Variants in GABRG2 observed in about 807,000 individuals in gnomAD.
GABRG2 encodes the protein gamma-aminobutyric acid receptor subunit gamma-2.
GABRG2 carries 16 observed loss-of-function variants against 56.4 expected under a neutral mutation model. That is an observed-to-expected ratio of 0.28 (90% CI 0.19 to 0.43). The LOEUF is 0.43. Ranked by LOEUF, GABRG2 falls within the 20% of genes least tolerant of loss-of-function variation. The probability of loss-of-function intolerance (pLI) is 1.00; values close to 1 mark genes in which losing one functional copy is unlikely to be tolerated. For synonymous variants in GABRG2, 208 were observed against 205.5 expected (o/e 1.01, Z -0.10); for missense variants, 327 against 582.7 (o/e 0.56, Z 4.52).
intron 1 of GABRG2, among the ~76,000 whole-genome samples, chr5:162,082,405 A>C (rs1479617184): frequency 6.6e-6 from 1 of 151,800 alleles, no homozygotes; most frequent in African/African-American, 2.4e-5. Context: ...TAAATTACAC[A>C]AACAGCCCTC....
intron 6 of GABRG2, among the ~76,000 whole-genome samples, chr5:162,111,181 A>G (rs1762227252): frequency 6.6e-6 from 1 of 152,188 alleles, no homozygotes; most frequent in Admixed American, 6.5e-5. Context: ...AACAAATACA[A>G]AAACATACTG....
chr5:162,151,857 T>C (rs1765397094), intron 9 of GABRG2, 104 bp downstream of exon 9: 1 of 998,612 alleles, frequency 1.0e-6, no homozygotes, highest in Admixed American at 1.8e-5. Context: ...CATTTAAGCA[T>C]TCTACTAGAG....
At chr5:162,077,717 A>G in intron 1 of GABRG2, among the ~76,000 whole-genome samples, 1 of 152,162 alleles carries the variant, frequency 6.6e-6, no homozygotes, top group East Asian at 1.9e-4. Flanking sequence ...GGAATCCAAT[A>G]ATGGGTAGCT....
At chr5:162,094,116 T>C in intron 2 of GABRG2, 137 bp downstream of exon 2, 1 of 935,380 alleles carries the variant, frequency 1.1e-6, no homozygotes, top group Non-Finnish European at 1.7e-6. Flanking sequence ...AAGTAGTGTT[T>C]AAATAGCATT....
intron 6 of GABRG2, among the ~76,000 whole-genome samples, chr5:162,133,543 A>G (rs1445552828): frequency 2.0e-5 from 3 of 152,166 alleles, no homozygotes; most frequent in Non-Finnish European, 4.4e-5. Flanking sequence ...GGATCAAAGT[A>G]GCAAATGTAT....
intron 6 of GABRG2, among the ~76,000 whole-genome samples, chr5:162,121,432 C>T (rs1378986915): frequency 6.6e-6 from 1 of 152,008 alleles, no homozygotes. Context: ...AGTTGGCAGA[C>T]TCTAGTTCAA....
At chr5:162,130,804 T>C (rs1763688404) in intron 6 of GABRG2, among the ~76,000 whole-genome samples, 1 of 151,982 alleles carries the variant, frequency 6.6e-6, no homozygotes, top group South Asian at 2.1e-4. Flanking sequence ...ATATTTGGTA[T>C]TTACCAGCTC....
intron 9 of GABRG2, chr5:162,152,027 T>C: frequency 2.9e-6 from 1 of 350,738 alleles, no homozygotes; most frequent in Non-Finnish European, 5.1e-6. Context: ...CAAAATGAGC[T>C]TCCTCTTTTC....
intron 6 of GABRG2, among the ~76,000 whole-genome samples, chr5:162,133,773 C>T (rs965234341): frequency 6.6e-6 from 1 of 152,000 alleles, no homozygotes; most frequent in Non-Finnish European, 1.5e-5. Context: ...TAAAGGAAGG[C>T]AGAAAACTGG....
chr5:162,082,524 A>G (rs1398684181), intron 1 of GABRG2, among the ~76,000 whole-genome samples: 1 of 151,766 alleles, frequency 6.6e-6, no homozygotes, highest in Non-Finnish European at 1.5e-5. Flanking sequence ...AATTCCAGGA[A>G]CAAATGTAAT....
At position 162,149,295 on chromosome 5, in the gene GABRG2, TAAA is replaced by T. The variant is rs727503941; in HGVS notation, c.1113_1115del (p.Lys374del). 6.4e-5 allele frequency: 104 copies of T among 1,614,010 alleles called. No homozygotes were observed. The highest frequency in any genetic ancestry group is 8.6e-5 in the Non-Finnish European group (102 of 1,180,016). On this transcript the variant is annotated inframe_deletion, in exon 8 of 10. Transcript: ENST00000639213. Reference sequence around the variant, plus strand: ...ACCGGAAACCAAGCAAGGACAAAGATAAAAAGAAGAAAAACCCTGTATGTATCA... The same window carrying T: ...ACCGGAAACCAAGCAAGGACAAAGATAAGAAGAAAAACCCTGTATGTATCA...
In GABRG2 at chr5:162,147,428, G is replaced by T. The variant is rs146216025; in HGVS notation, c.923-1680G>T. On this transcript the variant is annotated intron_variant, in intron 7 of 9. Transcript: ENST00000639213. ...CACCCAGGCCGGAGTGCAATGCCAC[G>T]ATTTCAGCTCATTGCAACCCCCGCC... 6.2e-3 allele frequency among the ~76,000 whole-genome samples: 932 copies of T among 151,306 alleles called. 8 individuals carry two copies. The highest frequency in any genetic ancestry group is 0.022 in the African/African-American group (903 of 41,216).
At position 162,124,957 on chromosome 5, in the gene GABRG2, GAT is replaced by G. The variant is rs1491441380; in HGVS notation, c.770-17206_770-17205del. On this transcript the variant is annotated intron_variant, in intron 6 of 9. Coordinates refer to ENST00000639213, the MANE Select transcript of GABRG2 (RefSeq NM_198904.4). ...TTTGCTGTTCTTTCTGGTATAAAGA[GAT>G]GTGTGTGTGTGTGTGTGTGTGTGTG... Among the ~76,000 whole-genome samples, 6 of 120,526 alleles carry G rather than the reference GAT, an allele frequency of 5.0e-5. No individual in the cohort carries two copies. The South Asian group carries it at 8.5e-4, about 17-fold the overall frequency. The allele number at this position is 120,526 out of a possible 152,430, so 79.1% of individuals were successfully genotyped here. A position where few individuals can be genotyped will look rare whatever the true frequency, so the allele number is the denominator to read the frequency against.
At chr5:162,142,414 C>A in intron 7 of GABRG2, 98 bp downstream of exon 7, 1 of 1,243,536 alleles carries the variant, frequency 8.0e-7, no homozygotes, top group African/African-American at 1.5e-5. Flanking sequence ...TAAATTTAGC[C>A]TGCAATTGCA....
intron 6 of GABRG2, among the ~76,000 whole-genome samples, chr5:162,113,810 C>T (rs1050152634): frequency 2.0e-5 from 3 of 152,168 alleles, no homozygotes; most frequent in African/African-American, 7.2e-5. Flanking sequence ...CAATCATGGA[C>T]ACCAATTGTA....
intron 6 of GABRG2, among the ~76,000 whole-genome samples, chr5:162,130,358 C>T (rs1031969733): frequency 1.3e-5 from 2 of 151,996 alleles, no homozygotes; most frequent in South Asian, 4.1e-4. Flanking sequence ...CCACTGCCTG[C>T]AGTTGCCTGA....
chr5:162,068,049 CTG>C lies in GABRG2; in HGVS notation c.52_53del (p.Val18IlefsTer21). 6.2e-7 allele frequency: 1 copy of C among 1,613,498 alleles called. No homozygotes were observed. Among genetic ancestry groups the C allele is most frequent in the Non-Finnish European group, 8.5e-7 (1 of 1,179,856 alleles). Reference sequence around the variant, plus strand: ...ACAGGAAGCTCAGTCTACTCGACTCCTGTATTTTCACAGAAAATGACGGTGTG... The same window carrying C: ...ACAGGAAGCTCAGTCTACTCGACTCCTATTTTCACAGAAAATGACGGTGTG... On this transcript the variant is annotated frameshift_variant, in exon 1 of 10. Coordinates refer to ENST00000639213, the MANE Select transcript of GABRG2 (RefSeq NM_198904.4). LOFTEE classifies it high-confidence loss of function.
chr5:162,085,954 C>G (rs209352), intron 1 of GABRG2, among the ~76,000 whole-genome samples: 58,316 of 151,458 alleles, frequency 0.39, 11,434 homozygotes, highest in Non-Finnish European at 0.43. Flanking sequence ...TGTATACGTA[C>G]CACATTTTTT....
intron 6 of GABRG2, among the ~76,000 whole-genome samples, chr5:162,117,812 T>G (rs1283914269): frequency 6.6e-6 from 1 of 152,074 alleles, no homozygotes; most frequent in Admixed American, 6.6e-5. Context: ...TAATAGATAT[T>G]TTGGTCCTAA....
Sources: gnomAD v4.1 joint callset for allele counts (sites outside exome capture counted in the v4.1 genomes callset) on GRCh38, gnomAD v4.1.1 for gene constraint, MANE v1.5 for transcripts, NCBI Gene and HGNC (gene_info 2026-07-23, HGNC 2026-07-21) for gene names.